The following SPOCK1 variants were observed in gnomAD, a reference collection of about 807,000 sequenced individuals.
SPOCK1 encodes testican-1.
In SPOCK1, 23 loss-of-function variants were observed where a neutral mutation model predicts 55.3. That is an observed-to-expected ratio of 0.42 (90% confidence interval 0.30 to 0.59). The LOEUF (loss-of-function observed/expected upper bound fraction) is 0.59. Among genes scored for constraint, SPOCK1 ranks in the 20% least tolerant of loss-of-function variants. The pLI, the probability that SPOCK1 is intolerant of heterozygous loss-of-function variation, is 0.22. For synonymous variants in SPOCK1, 226 were observed against 221.0 expected (o/e 1.02, Z -0.20); for missense variants, 499 against 552.5 (o/e 0.90, Z 0.97).
chr5:137,193,558 T>A (rs529663662), intron 3 of SPOCK1, among the ~76,000 whole-genome samples: 1 of 152,250 alleles, frequency 6.6e-6, no homozygotes, highest in South Asian at 2.1e-4. Flanking sequence ...CACAGACTCA[T>A]AATGGGCAGT....
chr5:137,208,694 T>C (rs1755560841), intron 3 of SPOCK1, among the ~76,000 whole-genome samples: 1 of 152,000 alleles, frequency 6.6e-6, no homozygotes, highest in Non-Finnish European at 1.5e-5. Flanking sequence ...CAATAGACAG[T>C]GGAGACAGCT....
intron 2 of SPOCK1, among the ~76,000 whole-genome samples, chr5:137,438,113 T>G (rs1217266287): frequency 2.0e-5 from 3 of 152,046 alleles, no homozygotes; most frequent in Admixed American, 1.3e-4. Context: ...TTAGGCTGAA[T>G]ACATTATGAG....
intron 6 of SPOCK1, among the ~76,000 whole-genome samples, chr5:137,038,290 C>T (rs886986703): frequency 6.6e-6 from 1 of 152,234 alleles, no homozygotes; most frequent in East Asian, 1.9e-4. Flanking sequence ...CCCTCTACCC[C>T]TTCACCCCAG....
intron 2 of SPOCK1, among the ~76,000 whole-genome samples, chr5:137,307,889 G>A (rs10072339): frequency 0.19 from 29,281 of 152,046 alleles, 3,028 homozygotes; most frequent in East Asian, 0.38. Flanking sequence ...GACTCAGTGA[G>A]CACTTTCATT....
intron 6 of SPOCK1, among the ~76,000 whole-genome samples, chr5:137,043,509 A>T (rs1752040217): frequency 6.6e-6 from 1 of 152,202 alleles, no homozygotes; most frequent in Admixed American, 6.5e-5. Context: ...CCTTTGCAGT[A>T]GAGAAGCCTG....
chr5:137,487,673 T>C (rs940154363), intron 2 of SPOCK1, among the ~76,000 whole-genome samples: 6 of 152,202 alleles, frequency 3.9e-5, no homozygotes, highest in Admixed American at 6.5e-5. Flanking sequence ...GAATCAAGCC[T>C]TTTGGAGACA....
chr5:137,036,332 T>A lies in SPOCK1; in HGVS notation c.589+31383A>T, dbSNP rs549605773. Among the ~76,000 whole-genome samples the A allele has an allele frequency of 2.6e-5, 4 of 152,194 alleles. No individual in the cohort carries two copies. The South Asian group carries it at 8.3e-4, about 32-fold the overall frequency. ...CAATCAGCAGCTCTTGGAGAAGGTT[T>A]GCAGGTAAGGAATAGTCAATGGCAA... On this transcript the variant is annotated intron_variant, in intron 6 of 10. Transcript: ENST00000394945.
At chr5:137,329,656 G>A (rs938869281) in intron 2 of SPOCK1, among the ~76,000 whole-genome samples, 1 of 152,166 alleles carries the variant, frequency 6.6e-6, no homozygotes, top group African/African-American at 2.4e-5. Context: ...GGAGGGAGAA[G>A]GGAACACAGA....
intron 4 of SPOCK1, among the ~76,000 whole-genome samples, chr5:137,130,037 G>A (rs549690364): frequency 1.2e-4 from 19 of 152,140 alleles, no homozygotes; most frequent in African/African-American, 3.1e-4. Context: ...AGTTCTTCCC[G>A]TAGTTGGTTT....
intron 6 of SPOCK1, among the ~76,000 whole-genome samples, chr5:137,065,639 T>C (rs1418608790): frequency 6.6e-6 from 1 of 152,248 alleles, no homozygotes; most frequent in Non-Finnish European, 1.5e-5. Flanking sequence ...TTAGTTGTTT[T>C]ATAATATTGT....
At chr5:137,354,483 C>T (rs1389330825) in intron 2 of SPOCK1, among the ~76,000 whole-genome samples, 1 of 152,156 alleles carries the variant, frequency 6.6e-6, no homozygotes, top group Admixed American at 6.5e-5. Flanking sequence ...TCCTGCGTCA[C>T]CTGCATACTC....
intron 6 of SPOCK1, among the ~76,000 whole-genome samples, chr5:137,022,661 C>T (rs901425068): frequency 6.6e-6 from 1 of 151,824 alleles, no homozygotes; most frequent in Non-Finnish European, 1.5e-5. Flanking sequence ...TTTCCCTAAG[C>T]GAAAAAAAGT....
At chr5:137,251,788 T>C (rs1337232139) in intron 3 of SPOCK1, among the ~76,000 whole-genome samples, 1 of 152,212 alleles carries the variant, frequency 6.6e-6, no homozygotes, top group Non-Finnish European at 1.5e-5. Flanking sequence ...AAATTCCTCA[T>C]ACCCCTCTCA....
chr5:137,498,335 C>G, intron 2 of SPOCK1, 38 bp downstream of exon 2: 2 of 1,541,592 alleles, frequency 1.3e-6, no homozygotes, highest in Non-Finnish European at 1.7e-6. Flanking sequence ...CTCCGAGAGG[C>G]TCCGCGCCCC....
At chr5:137,023,889 G>A (rs1457349048) in intron 6 of SPOCK1, among the ~76,000 whole-genome samples, 2 of 151,394 alleles carry the variant, frequency 1.3e-5, no homozygotes, top group Non-Finnish European at 2.9e-5. Context: ...GCAAATAAAG[G>A]TAGTAAAATT....
At chr5:137,277,606 A>G (rs1261261375) in intron 2 of SPOCK1, among the ~76,000 whole-genome samples, 1 of 152,144 alleles carries the variant, frequency 6.6e-6, no homozygotes, top group Non-Finnish European at 1.5e-5. Context: ...CGGGCCTCTC[A>G]AGAGATTCTC....
chr5:137,156,915 T>C (rs920466051), intron 3 of SPOCK1, among the ~76,000 whole-genome samples: 6 of 152,150 alleles, frequency 3.9e-5, no homozygotes, highest in Admixed American at 1.3e-4. Flanking sequence ...GACCAGCCCA[T>C]ATAATGCTTT....
At chr5:137,182,626 TG>T (rs1341785833) in intron 3 of SPOCK1, among the ~76,000 whole-genome samples, 1 of 152,118 alleles carries the variant, frequency 6.6e-6, no homozygotes, top group African/African-American at 2.4e-5. Context: ...ACTAAACCTC[TG>T]GGTCAGCAGT....
chr5:137,245,789 A>G (rs1756384227), intron 3 of SPOCK1, among the ~76,000 whole-genome samples: 1 of 125,416 alleles, frequency 8.0e-6, no homozygotes, highest in African/African-American at 4.2e-5. Flanking sequence ...AAAAAAAACA[A>G]AAAAAAAAAC....
Sources: allele counts gnomAD v4.1 joint callset (sites outside exome capture counted in the v4.1 genomes callset), GRCh38; gene constraint gnomAD v4.1.1; transcripts MANE v1.5; gene names NCBI Gene and HGNC (gene_info 2026-07-23, HGNC 2026-07-21).